CCDC183: variants seen among roughly 807,000 people sequenced by gnomAD.
The protein encoded by CCDC183 is coiled-coil domain containing 183, also known as coiled-coil domain-containing protein 183.
A neutral mutation model predicts 65.2 loss-of-function variants in CCDC183; 63 were observed. The observed-to-expected ratio is 0.97, with a 90% confidence interval of 0.79 to 1.19. The LOEUF (loss-of-function observed/expected upper bound fraction) is 1.19, where lower values mean the gene tolerates loss of function less well. Among genes scored for constraint, CCDC183 ranks in the 50% most tolerant of loss-of-function variants. CCDC183 has a pLI of 0.00. For synonymous variants in CCDC183, 323 were observed against 276.5 expected, an observed-to-expected ratio of 1.17 and a Z score of -1.67; for missense variants, 769 against 689.3, an observed-to-expected ratio of 1.12 and a Z score of -1.30.
rs1448388348 is a variant in CCDC183, at chr9:136,802,798, G to T, written c.666+12G>T. The stretch of plus-strand genomic sequence containing the variant: ...CGGATGAGGTCAAGGTGAGCTCAGG[G>T]CCCAGGGCTGGGGGCCCCCCAGGGC... On this transcript the variant is annotated intron_variant, in intron 6 of 13. Transcript: ENST00000338005. 6.4e-7 allele frequency: 1 copy of T among 1,570,322 alleles called. No individual in the cohort carries two copies. The highest frequency in any genetic ancestry group is 1.9e-5 in the Admixed American group (1 of 53,590).
intron 10 of CCDC183, 75 bp downstream of exon 10, chr9:136,806,313 G>A: frequency 6.7e-7 from 1 of 1,490,062 alleles, no homozygotes; most frequent in Non-Finnish European, 9.1e-7. Flanking sequence ...CAGGCTGGGA[G>A]CTGGGAGTAT....
intron 4 of CCDC183, 35 bp from the exon 5 acceptor site, chr9:136,800,354 C>T (rs1167956841): frequency 7.6e-6 from 12 of 1,570,728 alleles, no homozygotes; most frequent in Admixed American, 7.1e-5. Flanking sequence ...CGGCCGGTCC[C>T]CACGCCCTCT....
At position 136,800,510 on chromosome 9, in the gene CCDC183, G is replaced by A; in HGVS notation, c.543+17G>A. 1 of 1,568,810 alleles carries A rather than the reference G, an allele frequency of 6.4e-7. No individual in the cohort carries two copies. Among genetic ancestry groups the A allele is most frequent in the African/African-American group, 1.3e-5 (1 of 74,152 alleles). On this transcript the variant is annotated intron_variant, in intron 5 of 13. Coordinates refer to ENST00000338005, the MANE Select transcript of CCDC183 (RefSeq NM_001039374.5). ...CTGAAGACAGTGAGCCCAGCGGCCCGGGAAGGGCGGGGGTCAGGGGCTGGG... is the reference window on the plus strand; with the variant it reads ...CTGAAGACAGTGAGCCCAGCGGCCCAGGAAGGGCGGGGGTCAGGGGCTGGG...
chr9:136,803,145 G>A (rs1847768721), intron 6 of CCDC183, among the ~76,000 whole-genome samples: 1 of 66,984 alleles, frequency 1.5e-5, no homozygotes, highest in Non-Finnish European at 2.8e-5. Context: ...AGGGCCCAGG[G>A]CTGGGGCCCC....
intron 13 of CCDC183, 45 bp downstream of exon 13, chr9:136,807,111 G>T: frequency 6.3e-7 from 1 of 1,589,472 alleles, no homozygotes; most frequent in South Asian, 1.1e-5. Flanking sequence ...CGGGTGGCTG[G>T]AACACAGGTC....
chr9:136,805,190 G>A (rs556767873), intron 8 of CCDC183, 167 bp from the exon 9 acceptor site: 3 of 623,680 alleles, frequency 4.8e-6, no homozygotes, highest in Admixed American at 5.6e-5. Flanking sequence ...CTGCAGGGCT[G>A]GGCTGAGGAG....
chr9:136,802,392 G>C (rs1000980689), intron 5 of CCDC183, among the ~76,000 whole-genome samples: 1 of 152,180 alleles, frequency 6.6e-6, no homozygotes, highest in Non-Finnish European at 1.5e-5. Context: ...CCGGGTTTCA[G>C]TCAGCCTTTT....
chr9:136,807,482 G>C (rs535956374), intron 13 of CCDC183, 90 bp from the exon 14 acceptor site: 11 of 1,445,404 alleles, frequency 7.6e-6, no homozygotes, highest in South Asian at 1.4e-5. Flanking sequence ...CACCTGGCCC[G>C]GGTCGGTGGA....
In CCDC183 at chr9:136,805,396, A is replaced by C. The variant is rs765509416; in HGVS notation, c.887A>C (p.Gln296Pro). Residue 296 changes from glutamine to proline, a missense_variant, in exon 9 of 14, where the codon CAG becomes CCG. Gln to Pro is a moderately conservative substitution (Grantham distance 76, BLOSUM62 -1). Coordinates refer to ENST00000338005, the MANE Select transcript of CCDC183 (RefSeq NM_001039374.5). Reference sequence around the variant, plus strand: ...ACCTCCACAGCAGAAATGGAATACCAGTCGGGCGTGACTGCTGTGGTGGAG... The same window carrying C: ...ACCTCCACAGCAGAAATGGAATACCCGTCGGGCGTGACTGCTGTGGTGGAG... Reference protein sequence around the residue: ...KETSTAEMEYQSGVTAVVEKV... With the variant: ...KETSTAEMEYPSGVTAVVEKV... 155 of 1,613,892 alleles carry C rather than the reference A, an allele frequency of 9.6e-5. No homozygotes were observed. Among genetic ancestry groups the C allele is most frequent in the Non-Finnish European group, 1.2e-4 (144 of 1,179,968 alleles).
intron 8 of CCDC183, chr9:136,805,117 T>G (rs1273825600): frequency 1.7e-6 from 1 of 593,820 alleles, no homozygotes; most frequent in African/African-American, 1.9e-5. Flanking sequence ...GGGCCCACAG[T>G]GCTCACAGTG....
rs769407570 is a variant in CCDC183 at position 136,805,321 on chromosome 9, C to T, written c.848-36C>T. 5.8e-6 allele frequency: 9 copies of T among 1,561,750 alleles called. No homozygotes were observed. In the East Asian group the frequency reaches 2.0e-4, roughly 35 times the overall value. On this transcript the variant is annotated intron_variant, in intron 8 of 13. Coordinates refer to ENST00000338005, the MANE Select transcript of CCDC183 (RefSeq NM_001039374.5). The stretch of plus-strand genomic sequence containing the variant: ...CTTACACAGAGCCCCTGAGCCATCC[C>T]TGCATGCTGACTGCCCCTCCCCTCT...
Position 136,802,677 on chromosome 9 carries a change from A to G in CCDC183, c.557A>G (p.Tyr186Cys). The G allele has an allele frequency of 6.2e-7, 1 of 1,612,134 alleles. No individual in the cohort carries two copies. The highest frequency in any genetic ancestry group is 8.5e-7 in the Non-Finnish European group (1 of 1,179,278). ...LDYLKTVLAG[Y>C]PIELDKLQNL... Reference sequence around the variant, plus strand: ...CATTCAACACAGGTGCTGGCAGGATACCCCATTGAGCTGGACAAGCTGCAG... The same window carrying G: ...CATTCAACACAGGTGCTGGCAGGATGCCCCATTGAGCTGGACAAGCTGCAG... The change falls in exon 6 of 14, where the codon TAC becomes TGC. Residue 186 changes from tyrosine to cysteine, a missense_variant. Transcript: ENST00000338005.
Position 136,807,401 on chromosome 9 carries a change from G to A in CCDC183, c.1487-171G>A, listed in dbSNP as rs1847880127. The A allele has an allele frequency of 4.6e-6, 4 of 863,112 alleles. No homozygotes were observed. In the South Asian group the frequency reaches 7.2e-5, roughly 16 times the overall value. 53.5% of individuals were successfully genotyped at this position (863,112 alleles called of 1,614,324 possible). On this transcript the variant is annotated intron_variant, in intron 13 of 13. Coordinates refer to ENST00000338005, the MANE Select transcript of CCDC183 (RefSeq NM_001039374.5). ...GGGTTCTGCGGGAAAGGCTAGGCAG[G>A]GCAGCGTGAGCCGCTGCGAATGGGC...
intron 1 of CCDC183, among the ~76,000 whole-genome samples, 154 bp downstream of exon 1, chr9:136,796,621 G>C (rs940038094): frequency 1.3e-5 from 2 of 152,210 alleles, no homozygotes; most frequent in African/African-American, 4.8e-5. Flanking sequence ...AAGAAAAATT[G>C]TTTCTGCTTT....
rs976400471 is a variant in CCDC183 at position 136,806,952 on chromosome 9, G to T, written c.1390-18G>T. On this transcript the variant is annotated intron_variant, in intron 12 of 13. Coordinates refer to ENST00000338005, the MANE Select transcript of CCDC183 (RefSeq NM_001039374.5). ...CGTTCAGAGTGTCTGCACGGCTGAA[G>T]GGGGCTTTGCCCTGCAGGGCGACAC... The T allele has an allele frequency of 6.2e-7, 1 of 1,613,464 alleles. No homozygotes were observed. The highest frequency in any genetic ancestry group is 1.7e-5 in the Admixed American group (1 of 60,010).
intron 1 of CCDC183, among the ~76,000 whole-genome samples, chr9:136,798,517 G>C (rs1452577124): frequency 1.3e-5 from 2 of 148,748 alleles, no homozygotes; most frequent in Non-Finnish European, 3.0e-5. Context: ...GGCTGGTCTC[G>C]AACTCCTGAC....
Position 136,804,448 on chromosome 9 carries a change from T to C in CCDC183, c.667-54T>C. On this transcript the variant is annotated intron_variant, in intron 6 of 13. Transcript: ENST00000338005. The surrounding 1 kb of genome is among the most constrained non-coding windows in gnomAD (Gnocchi z 4.1). ...AACCGCCCGCTGGCTTTACTGCCAT[T>C]AGGGGCCTTGTTGAGACAGCTCCCC... 1 of 1,582,138 alleles carries C rather than the reference T, an allele frequency of 6.3e-7. No homozygotes were observed. Among genetic ancestry groups the C allele is most frequent in the Non-Finnish European group, 8.6e-7 (1 of 1,165,050 alleles).
rs777436325 is a variant in CCDC183 at position 136,806,256 on chromosome 9, G to T, written c.1109+18G>T. 1.1e-5 allele frequency: 17 copies of T among 1,580,838 alleles called. No individual in the cohort carries two copies. In the Admixed American group the frequency reaches 2.9e-4, roughly 27 times the overall value. On this transcript the variant is annotated intron_variant, in intron 10 of 13. Coordinates refer to ENST00000338005, the MANE Select transcript of CCDC183 (RefSeq NM_001039374.5). Reference sequence around the variant, plus strand: ...TCCATCAGGTGCCCCGGGCTTCCGGGGCTGCGGGCCACCCACCCCAGTCTC... The same window carrying T: ...TCCATCAGGTGCCCCGGGCTTCCGGTGCTGCGGGCCACCCACCCCAGTCTC...
chr9:136,806,341 C>T, intron 10 of CCDC183, 103 bp downstream of exon 10: 1 of 1,408,204 alleles, frequency 7.1e-7, no homozygotes, highest in Non-Finnish European at 9.7e-7. Flanking sequence ...GCCAACAAGC[C>T]TGTGTGTCCC....
Sources: gnomAD v4.1 joint callset for allele counts (sites outside exome capture counted in the v4.1 genomes callset) on GRCh38, gnomAD v4.1.1 for gene constraint, Gnocchi (gnomAD v3.1) non-coding constraint, MANE v1.5 for transcripts, NCBI Gene and HGNC (gene_info 2026-07-23, HGNC 2026-07-21) for gene names.